Variants in CTSC observed in about 807,000 individuals in gnomAD.
CTSC encodes cathepsin C.
In CTSC, 37 loss-of-function variants were observed where a neutral mutation model predicts 40.9. The ratio of observed to expected loss-of-function variants is 0.91; its 90% CI spans 0.70 to 1.19. CTSC has a LOEUF of 1.19. Ranked by LOEUF, CTSC falls within the 50% of genes most tolerant of loss-of-function variation. The probability of loss-of-function intolerance (pLI) is 0.00; values close to 1 mark genes in which losing one functional copy is unlikely to be tolerated. For synonymous variants in CTSC, 232 were observed against 207.4 expected (o/e 1.12, Z -1.02); for missense variants, 594 against 567.3 (o/e 1.05, Z -0.48).
At chr11:88,305,460 A>G (rs1434991285) in intron 4 of CTSC, among the ~76,000 whole-genome samples, 1 of 152,224 alleles carries the variant, frequency 6.6e-6, no homozygotes, top group East Asian at 1.9e-4. Flanking sequence ...TTTGAGTACA[A>G]GATACAGGAT....
At chr11:88,335,203 A>G in intron 1 of CTSC, 121 bp from the exon 2 acceptor site, 1 of 723,880 alleles carries the variant, frequency 1.4e-6, no homozygotes, top group Non-Finnish European at 2.4e-6. Context: ...GTTTGAGCAC[A>G]GTCTGCCTAG....
intron 6 of CTSC, among the ~76,000 whole-genome samples, chr11:88,295,449 G>A (rs754937577): frequency 3.3e-5 from 5 of 151,506 alleles, no homozygotes; most frequent in Admixed American, 6.6e-5. Flanking sequence ...GCATGATATC[G>A]GCTCACTGCA....
At chr11:88,308,191 A>C (rs1937676516) in intron 4 of CTSC, among the ~76,000 whole-genome samples, 1 of 152,216 alleles carries the variant, frequency 6.6e-6, no homozygotes, top group Non-Finnish European at 1.5e-5. Context: ...CTATTGGGCC[A>C]AGCTAACTTT....
In CTSC at chr11:88,300,606, C is replaced by A; in HGVS notation, c.681G>T (p.Lys227Asn). Reference protein sequence around the residue: ...PAPLTAEIQQKILHLPTSWDW... With the variant: ...PAPLTAEIQQNILHLPTSWDW... Reference sequence around the variant, plus strand: ...CCCAAGATGTTGGCAAATGCAAAATCTTTTGCTGTATTTCAGCAGTCAGTG... The same window carrying A: ...CCCAAGATGTTGGCAAATGCAAAATATTTTGCTGTATTTCAGCAGTCAGTG... The change falls in exon 5 of 7, where the codon AAG (lysine) becomes AAT (asparagine). Residue 227 changes from lysine to asparagine, a missense_variant. Transcript: ENST00000227266. 9 of 1,613,870 alleles carry A rather than the reference C, an allele frequency of 5.6e-6. No individual in the cohort carries two copies. Among genetic ancestry groups the A allele is most frequent in the Non-Finnish European group, 7.6e-6 (9 of 1,179,782 alleles).
At chr11:88,295,497 C>T (rs752355479) in intron 6 of CTSC, among the ~76,000 whole-genome samples, 2 of 151,780 alleles carry the variant, frequency 1.3e-5, no homozygotes, top group African/African-American at 2.4e-5. Flanking sequence ...CTTACACCTC[C>T]GCCTCCTGAA....
At chr11:88,325,790 G>C (rs1938165219) in intron 2 of CTSC, 1 of 985,758 alleles carries the variant, frequency 1.0e-6, no homozygotes, top group Non-Finnish European at 1.2e-6. Context: ...ATAGCAGTCT[G>C]ACATATCTGA....
At chr11:88,309,419 C>T in intron 3 of CTSC, 101 bp from the exon 4 acceptor site, 1 of 1,022,426 alleles carries the variant, frequency 9.8e-7, no homozygotes, top group Non-Finnish European at 1.5e-6. Context: ...GAAAGTGGTA[C>T]AATCTTTCAG....
chr11:88,317,448 A>AT (rs1482996272), intron 2 of CTSC, among the ~76,000 whole-genome samples: 3 of 151,970 alleles, frequency 2.0e-5, no homozygotes, highest in Non-Finnish European at 2.9e-5. Context: ...ATCTGAAATA[A>AT]TGTATCAATT....
chr11:88,326,838 A>T (rs1938207089), intron 2 of CTSC, among the ~76,000 whole-genome samples: 2 of 152,218 alleles, frequency 1.3e-5, no homozygotes, highest in African/African-American at 4.8e-5. Flanking sequence ...TAGGCTATTT[A>T]TCCCATTTAC....
Position 88,337,550 on chromosome 11 carries a change from G to T in CTSC, c.123C>A (p.Phe41Leu). Residue 41 changes from phenylalanine (F) to leucine (L), a missense_variant, in exon 1 of 7, where the codon TTC becomes TTA. By Grantham distance (22) the Phe-to-Leu change is conservative. Transcript: ENST00000227266. ...GCTGGGAACCGCTGGAGCCCACCTG[G>T]AAGACCCAGGTGCCCAGCAGGTCAA... ...TYLDLLGTWV[F>L]QVGSSGSQRD... 2 of 1,577,234 alleles carry T rather than the reference G, an allele frequency of 1.3e-6. No individual in the cohort carries two copies. Among genetic ancestry groups the T allele is most frequent in the Non-Finnish European group, 1.7e-6 (2 of 1,160,540 alleles).
At chr11:88,328,535 G>T (rs1473667063) in intron 2 of CTSC, among the ~76,000 whole-genome samples, 2 of 152,166 alleles carry the variant, frequency 1.3e-5, no homozygotes, top group African/African-American at 4.8e-5. Context: ...GACATTTCTG[G>T]CTGTGTGATA....
intron 2 of CTSC, chr11:88,326,549 A>C: frequency 1.3e-6 from 1 of 753,112 alleles, no homozygotes; most frequent in Non-Finnish European, 2.2e-6. Flanking sequence ...AAATACCAGC[A>C]CTGATATTTG....
At chr11:88,322,074 C>A (rs1938030470) in intron 2 of CTSC, 1 of 152,218 alleles carries the variant, frequency 6.6e-6, no homozygotes, top group Non-Finnish European at 1.5e-5. Context: ...TGTTCATGTT[C>A]TTTGCCAACT....
chr11:88,325,091 G>C (rs1591238903), intron 2 of CTSC: 1 of 782,136 alleles, frequency 1.3e-6, no homozygotes, highest in South Asian at 9.7e-5. Flanking sequence ...AAAGCTGAAA[G>C]AAGTCAGCTC....
intron 2 of CTSC, 52 bp from the exon 3 acceptor site, chr11:88,312,606 C>G (rs746527580): frequency 3.1e-6 from 5 of 1,604,440 alleles, no homozygotes; most frequent in Non-Finnish European, 4.3e-6. Context: ...CTTCAAATTT[C>G]AGGTCCATTT....
intron 4 of CTSC, 50 bp from the exon 5 acceptor site, chr11:88,300,695 G>T: frequency 3.5e-6 from 4 of 1,152,218 alleles, no homozygotes; most frequent in South Asian, 1.2e-5. Flanking sequence ...TTCCTTTGAG[G>T]ATGATTTCCT....
At chr11:88,330,948 A>C (rs558641689) in intron 2 of CTSC, among the ~76,000 whole-genome samples, 2 of 152,238 alleles carry the variant, frequency 1.3e-5, no homozygotes, top group South Asian at 4.1e-4. Context: ...CCGAAGTGGA[A>C]TGCCGAGAAT....
At chr11:88,316,533 T>C (rs1937882886) in intron 2 of CTSC, among the ~76,000 whole-genome samples, 1 of 149,380 alleles carries the variant, frequency 6.7e-6, no homozygotes, top group Admixed American at 6.7e-5. Context: ...ACAGACTATA[T>C]CTCATGGGCT....
chr11:88,316,862 C>T (rs1004556426), intron 2 of CTSC, among the ~76,000 whole-genome samples: 2 of 152,170 alleles, frequency 1.3e-5, no homozygotes, highest in African/African-American at 4.8e-5. Context: ...TGCAAATGTT[C>T]CTCTCCAAAG....
Sources: allele counts gnomAD v4.1 joint callset (sites outside exome capture counted in the v4.1 genomes callset), GRCh38; gene constraint gnomAD v4.1.1; transcripts MANE v1.5; gene names NCBI Gene and HGNC (gene_info 2026-07-23, HGNC 2026-07-21).